DCC: variants seen among roughly 807,000 people sequenced by gnomAD.
DCC encodes DCC netrin 1 receptor.
Under a neutral mutation model 172.5 loss-of-function variants are expected in DCC, and 58 were observed. That is an observed-to-expected ratio of 0.34 (90% CI 0.27 to 0.42). The LOEUF is 0.42. DCC is among the 10% of genes least tolerant of loss of function. The pLI is 1.00. For missense variants in DCC, 1,740 were observed against 1,791.0 expected (o/e 0.97, Z 0.51); for synonymous variants, 709 against 644.5 (o/e 1.10, Z -1.52).
chr18:53,513,904 C>A (rs1453583870), intron 27 of DCC, among the ~76,000 whole-genome samples: 5 of 151,266 alleles, frequency 3.3e-5, no homozygotes, highest in East Asian at 3.9e-4. Flanking sequence ...GACAGATCAA[C>A]AAGACAGAAA....
At chr18:52,915,705 TCTC>T (rs1216143578) in intron 3 of DCC, among the ~76,000 whole-genome samples, 1 of 151,922 alleles carries the variant, frequency 6.6e-6, no homozygotes, top group African/African-American at 2.4e-5. Flanking sequence ...TGCACTATCT[TCTC>T]AAAGGCAAAA....
rs1041625232 is a variant in DCC at position 53,535,620 on chromosome 18, A to G, written c.*4967A>G. Reference sequence around the variant, plus strand: ...AAAACACCTTTTTTAACAAAAAGGTATTTTGAGCCTACAAAAAGTTTCTTT... The same window carrying G: ...AAAACACCTTTTTTAACAAAAAGGTGTTTTGAGCCTACAAAAAGTTTCTTT... On this transcript the variant is annotated 3_prime_UTR_variant, in exon 29 of 29. Coordinates refer to ENST00000442544, the MANE Select transcript of DCC (RefSeq NM_005215.4). 4 of 152,160 alleles carry G rather than the reference A, an allele frequency of 2.6e-5. No homozygotes were observed. The highest frequency in any genetic ancestry group is 2.0e-4 in the Admixed American group (3 of 15,282). The allele number at this position is 152,160 out of a possible 1,614,324, so 9.4% of individuals were successfully genotyped here. A position where few individuals can be genotyped will look rare whatever the true frequency, so the allele number is the denominator to read the frequency against.
At chr18:52,700,248 A>G (rs116707411) in intron 1 of DCC, among the ~76,000 whole-genome samples, 196 of 147,796 alleles carry the variant, frequency 1.3e-3, no homozygotes, top group African/African-American at 4.3e-3. Flanking sequence ...ATGCACACTC[A>G]CACACGCACA....
chr18:52,417,306 T>C (rs1405737323), intron 1 of DCC, among the ~76,000 whole-genome samples: 1 of 152,144 alleles, frequency 6.6e-6, no homozygotes, highest in Non-Finnish European at 1.5e-5. Context: ...CCCTTAACGT[T>C]TTTTCCTTCA....
chr18:52,363,487 C>T (rs928894565), intron 1 of DCC, among the ~76,000 whole-genome samples: 17 of 152,092 alleles, frequency 1.1e-4, no homozygotes. Context: ...GACACAACAC[C>T]TCTCTTGCTC....
At chr18:53,170,505 T>C (rs1327330303) in intron 8 of DCC, among the ~76,000 whole-genome samples, 1 of 152,242 alleles carries the variant, frequency 6.6e-6, no homozygotes, top group African/African-American at 2.4e-5. Flanking sequence ...ATTATATCTC[T>C]CATTAAGTTA....
intron 5 of DCC, among the ~76,000 whole-genome samples, chr18:53,026,113 G>A (rs2041952148): frequency 6.6e-6 from 1 of 151,796 alleles, no homozygotes; most frequent in Non-Finnish European, 1.5e-5. Context: ...AAAAACTGAA[G>A]TCCTCCCCTA....
chr18:52,879,404 T>C (rs1246147659), intron 2 of DCC, among the ~76,000 whole-genome samples: 1 of 141,454 alleles, frequency 7.1e-6, no homozygotes, highest in African/African-American at 2.6e-5. Context: ...AGCCCATATG[T>C]TGTTTGGCTT....
At chr18:53,032,104 C>T (rs1420289444) in intron 5 of DCC, among the ~76,000 whole-genome samples, 1 of 152,062 alleles carries the variant, frequency 6.6e-6, no homozygotes, top group Non-Finnish European at 1.5e-5. Context: ...ACAATGTCAT[C>T]ATCTAGAAAT....
At chr18:52,448,660 G>T (rs374313874) in intron 1 of DCC, among the ~76,000 whole-genome samples, 64 of 152,284 alleles carry the variant, frequency 4.2e-4, no homozygotes, top group African/African-American at 1.5e-3. Context: ...AGATTTACAA[G>T]TGAGATCCAA....
intron 23 of DCC, among the ~76,000 whole-genome samples, chr18:53,455,155 C>T (rs577052315): frequency 1.3e-5 from 2 of 152,138 alleles, no homozygotes; most frequent in Non-Finnish European, 2.9e-5. Flanking sequence ...GAAGACTTCC[C>T]CCAAACCCCT....
In DCC at chr18:52,745,409, T is replaced by G. The variant is rs373661396; in HGVS notation, c.92-6645T>G. The stretch of plus-strand genomic sequence containing the variant: ...CGTGAGAATTACCTGGAAGACTTCT[T>G]AAAGTACAGATTGCTGGGCTCTACT... On this transcript the variant is annotated intron_variant, in intron 1 of 28. Coordinates refer to ENST00000442544, the MANE Select transcript of DCC (RefSeq NM_005215.4). Among the ~76,000 whole-genome samples, 24 of 152,346 alleles carry G rather than the reference T, an allele frequency of 1.6e-4. 2 individuals carry two copies. In the East Asian group the frequency reaches 3.5e-3, roughly 22 times the overall value.
intron 2 of DCC, among the ~76,000 whole-genome samples, chr18:52,868,350 C>T (rs968117048): frequency 6.6e-6 from 1 of 152,112 alleles, no homozygotes; most frequent in Non-Finnish European, 1.5e-5. Context: ...CAAAAAATTA[C>T]TCCCAGAAGT....
At chr18:52,780,563 C>T (rs2037520544) in intron 2 of DCC, among the ~76,000 whole-genome samples, 1 of 152,058 alleles carries the variant, frequency 6.6e-6, no homozygotes, top group Non-Finnish European at 1.5e-5. Flanking sequence ...GCAGGGAAAA[C>T]TGTGTATATT....
chr18:52,388,665 G>A (rs759462228), intron 1 of DCC, among the ~76,000 whole-genome samples: 1 of 151,974 alleles, frequency 6.6e-6, no homozygotes, highest in African/African-American at 2.4e-5. Flanking sequence ...CAGGTAAACT[G>A]GAGAGAGAAG....
chr18:53,195,118 A>T (rs2055424437), intron 9 of DCC, among the ~76,000 whole-genome samples: 1 of 152,214 alleles, frequency 6.6e-6, no homozygotes, highest in Non-Finnish European at 1.5e-5. Flanking sequence ...TACTTGGCCC[A>T]AGGATACACT....
intron 15 of DCC, among the ~76,000 whole-genome samples, chr18:53,372,788 T>C (rs977871890): frequency 3.3e-5 from 5 of 152,090 alleles, no homozygotes; most frequent in African/African-American, 4.8e-5. Context: ...CACTCTCTTG[T>C]GCCTCCTTAG....
chr18:52,689,901 C>T (rs982873803), intron 1 of DCC, among the ~76,000 whole-genome samples: 3 of 152,100 alleles, frequency 2.0e-5, no homozygotes, highest in Non-Finnish European at 4.4e-5. Context: ...GATTTGTTTG[C>T]ATTTGCACTC....
chr18:52,654,033 T>C (rs16955333), intron 1 of DCC, among the ~76,000 whole-genome samples: 4,762 of 152,324 alleles, frequency 0.031, 119 homozygotes, highest in Admixed American at 0.08. Context: ...TCCTGCTAGA[T>C]GAATTATTCC....
Sources: gnomAD v4.1 joint callset for allele counts (sites outside exome capture counted in the v4.1 genomes callset) on GRCh38, gnomAD v4.1.1 for gene constraint, MANE v1.5 for transcripts, NCBI Gene and HGNC (gene_info 2026-07-23, HGNC 2026-07-21) for gene names.